Variants in SFXN1 observed in about 807,000 individuals in gnomAD.
SFXN1 encodes sideroflexin 1.
A neutral mutation model predicts 39.5 loss-of-function variants in SFXN1; 32 were observed. The observed-to-expected ratio is 0.81, with a 90% CI of 0.61 to 1.09. The LOEUF (loss-of-function observed/expected upper bound fraction) is 1.09, where lower values mean the gene tolerates loss of function less well. Among genes scored for constraint, SFXN1 ranks in the 50% least tolerant of loss-of-function variants. The probability of loss-of-function intolerance (pLI) is 0.00; values close to 1 mark genes in which losing one functional copy is unlikely to be tolerated. For missense variants in SFXN1, 402 were observed against 407.1 expected (o/e 0.99, Z 0.11); for synonymous variants, 136 against 146.5 (o/e 0.93, Z 0.52).
chr5:175,502,485 A>T (rs1760120908), intron 2 of SFXN1, among the ~76,000 whole-genome samples: 1 of 152,250 alleles, frequency 6.6e-6, no homozygotes, highest in Non-Finnish European at 1.5e-5. Flanking sequence ...TTTCACTGTC[A>T]TAATTTCCTT....
chr5:175,504,020 A>AG (rs1554101014), intron 2 of SFXN1, among the ~76,000 whole-genome samples: 2 of 147,676 alleles, frequency 1.4e-5, no homozygotes, highest in Non-Finnish European at 3.0e-5. Flanking sequence ...AAAAAAAAAA[A>AG]GGGATCCTAT....
Position 175,509,155 on chromosome 5 carries a change from G to C in SFXN1, c.288G>C (p.Gln96His). 1 of 1,613,580 alleles carries C rather than the reference G, an allele frequency of 6.2e-7. No individual in the cohort carries two copies. Among genetic ancestry groups the C allele is most frequent in the East Asian group, 2.2e-5 (1 of 44,804 alleles). ...KMILIGRMSA[Q>H]VPMNMTITGC... ...TTTTGATAGGAAGAATGTCAGCCCA[G>C]GTTCCCATGAACATGACCATCACAG... The change falls in exon 3 of 11, where the codon CAG becomes CAC. Residue 96 changes from glutamine (Q) to histidine (H), a missense_variant. Physicochemically the swap from Gln to His is conservative, Grantham distance 24. Transcript: ENST00000321442.
intron 7 of SFXN1, among the ~76,000 whole-genome samples, chr5:175,515,755 CA>C (rs1410273657): frequency 3.3e-5 from 5 of 152,082 alleles, no homozygotes; most frequent in Non-Finnish European, 7.4e-5. Flanking sequence ...GACCAGGGGT[CA>C]GGGGGATGGT....
At chr5:175,514,210 G>T (rs1172245841) in intron 7 of SFXN1, among the ~76,000 whole-genome samples, 3 of 152,136 alleles carry the variant, frequency 2.0e-5, no homozygotes, top group African/African-American at 4.8e-5. Context: ...GGCAGTGATG[G>T]GCTGGACCAG....
chr5:175,513,559 G>C lies in SFXN1; in HGVS notation c.693G>C (p.Val231=). 6.2e-7 allele frequency: 1 copy of C among 1,613,876 alleles called. No individual in the cohort carries two copies. Among genetic ancestry groups the C allele is most frequent in the South Asian group, 1.1e-5 (1 of 91,072 alleles). Residue 231 remains valine (V), a synonymous_variant, in exon 7 of 11, where the codon GTG becomes GTC. Coordinates refer to ENST00000321442, the MANE Select transcript of SFXN1 (RefSeq NM_022754.7). ...AACAAGCCATCACGCAAGTTGTCGT[G>C]TCCAGGATTCTCATGGCAGCCCCTG... The part of the protein sequence containing the change: ...AAKQAITQVV[V]SRILMAAPGM...
intron 8 of SFXN1, among the ~76,000 whole-genome samples, chr5:175,518,079 A>G (rs1760769755): frequency 6.6e-6 from 1 of 152,118 alleles, no homozygotes; most frequent in African/African-American, 2.4e-5. Flanking sequence ...AAAACACATC[A>G]GCTGTGGGCA....
intron 1 of SFXN1, among the ~76,000 whole-genome samples, chr5:175,481,415 G>A (rs773112880): frequency 1.3e-5 from 2 of 152,148 alleles, no homozygotes; most frequent in Admixed American, 6.5e-5. Flanking sequence ...TCTGCCTCCC[G>A]GGTTCAAGTG....
At chr5:175,494,701 G>A (rs1224322515) in intron 2 of SFXN1, among the ~76,000 whole-genome samples, 13 of 150,884 alleles carry the variant, frequency 8.6e-5, no homozygotes, top group African/African-American at 2.4e-4. Flanking sequence ...GCAGTGAGCC[G>A]AGATCATGCC....
chr5:175,513,296 T>TAAAAAAA (rs55761424), intron 6 of SFXN1, among the ~76,000 whole-genome samples, 167 bp from the exon 7 acceptor site: 3 of 65,270 alleles, frequency 4.6e-5, no homozygotes, highest in African/African-American at 1.9e-4. Flanking sequence ...AGTGAGACTG[T>TAAAAAAA]AAAAAAAAAA....
rs558535805 is a variant in SFXN1, at chr5:175,522,441, T to G, written c.872+19T>G. 6.2e-7 allele frequency: 1 copy of G among 1,609,704 alleles called. No individual in the cohort carries two copies. Among genetic ancestry groups the G allele is most frequent in the Non-Finnish European group, 8.5e-7 (1 of 1,178,140 alleles). ...AGAAAAGGTATGTATTTGTTATTCG[T>G]CAGAATCATCATGAGTATTAATCCT... On this transcript the variant is annotated intron_variant, in intron 10 of 10. Transcript: ENST00000321442.
At chr5:175,505,913 G>A (rs1317436186) in intron 2 of SFXN1, among the ~76,000 whole-genome samples, 12 of 152,118 alleles carry the variant, frequency 7.9e-5, no homozygotes, top group African/African-American at 2.7e-4. Flanking sequence ...TCTGCCTCCC[G>A]GGTTCAAGCA....
intron 8 of SFXN1, 75 bp from the exon 9 acceptor site, chr5:175,521,844 T>C: frequency 8.4e-7 from 1 of 1,194,568 alleles, no homozygotes; most frequent in Non-Finnish European, 1.2e-6. Flanking sequence ...GAGAGGTTCC[T>C]TCCAGTTAAT....
chr5:175,521,993 A>C (rs1326095697), intron 9 of SFXN1, 25 bp downstream of exon 9: 1 of 1,575,506 alleles, frequency 6.3e-7, no homozygotes, highest in Non-Finnish European at 8.7e-7. Flanking sequence ...CTTTTACATA[A>C]TTAATTTCTT....
intron 2 of SFXN1, among the ~76,000 whole-genome samples, chr5:175,507,969 T>C (rs1157636760): frequency 4.2e-5 from 4 of 95,524 alleles, no homozygotes; most frequent in African/African-American, 4.4e-5. Flanking sequence ...TGAGACCCTG[T>C]CTTTAAAAAA....
intron 2 of SFXN1, among the ~76,000 whole-genome samples, chr5:175,501,315 G>A (rs1459906211): frequency 1.3e-5 from 2 of 152,010 alleles, no homozygotes; most frequent in East Asian, 1.9e-4. Context: ...TTATCCGCCC[G>A]CCTCGGCCCC....
At chr5:175,522,508 T>C in intron 10 of SFXN1, 86 bp downstream of exon 10, 1 of 1,381,828 alleles carries the variant, frequency 7.2e-7, no homozygotes, top group Non-Finnish European at 1.0e-6. Flanking sequence ...TCCATTTCAT[T>C]GGCAGGGAAG....
intron 4 of SFXN1, among the ~76,000 whole-genome samples, chr5:175,510,717 T>G (rs1760481524): frequency 6.6e-6 from 1 of 152,092 alleles, no homozygotes; most frequent in Non-Finnish European, 1.5e-5. Context: ...TGAGTTTTAA[T>G]TTTTTGTCAC....
intron 2 of SFXN1, among the ~76,000 whole-genome samples, chr5:175,505,537 C>CAAT (rs3049011): frequency 0.019 from 2,772 of 143,816 alleles, 39 homozygotes; most frequent in East Asian, 0.068. Context: ...AACTCCATCA[C>CAAT]AATAATAATA....
At chr5:175,514,136 G>C (rs536755908) in intron 7 of SFXN1, among the ~76,000 whole-genome samples, 18 of 152,256 alleles carry the variant, frequency 1.2e-4, no homozygotes, top group South Asian at 8.3e-4. Flanking sequence ...AGAATAGGCT[G>C]AAGGAGAATG....
Sources: gnomAD v4.1 joint callset for allele counts (sites outside exome capture counted in the v4.1 genomes callset) on GRCh38, gnomAD v4.1.1 for gene constraint, MANE v1.5 for transcripts, NCBI Gene and HGNC (gene_info 2026-07-23, HGNC 2026-07-21) for gene names.